OR51B5: variants seen among roughly 807,000 people sequenced by gnomAD.
OR51B5 encodes the protein olfactory receptor family 51 subfamily B member 5, also known as olfactory receptor 51B5.
For missense variants in OR51B5, 456 were observed against 374.6 expected, an observed-to-expected ratio of 1.22 and a Z score of -1.79; for synonymous variants, 186 against 144.8, an observed-to-expected ratio of 1.28 and a Z score of -2.04.
At chr11:5,410,226 A>G (rs1408694792) in intron 1 of OR51B5, among the ~76,000 whole-genome samples, 1 of 152,044 alleles carries the variant, frequency 6.6e-6, no homozygotes, top group Non-Finnish European at 1.5e-5. Context: ...GAAAGCAAAC[A>G]CTGACTGAAA....
intron 1 of OR51B5, chr11:5,422,538 A>C (rs1850359955): frequency 1.2e-6 from 2 of 1,613,802 alleles, no homozygotes; most frequent in African/African-American, 1.3e-5. Context: ...TCCTTTATGG[A>C]GTCTTCTGTC....
chr11:5,447,648 A>G (rs531976373), intron 1 of OR51B5, among the ~76,000 whole-genome samples: 35 of 152,128 alleles, frequency 2.3e-4, no homozygotes, highest in Non-Finnish European at 3.5e-4. Context: ...TGCAAACTGC[A>G]TTCCTCCTTT....
At position 5,494,134 on chromosome 11, in the gene OR51B5, T is replaced by C. The variant is rs189491698; in HGVS notation, n.84+11435A>G. ...AAACCAATTCATCTGAAAATTCCCA[T>C]TGGGTCATCCCCAGTGGAATCAGAT... On this transcript the variant is annotated intron_variant and non_coding_transcript_variant, in intron 1 of 4. Coordinates refer to the OR51B5 transcript ENST00000415970. Among the ~76,000 whole-genome samples the C allele has an allele frequency of 7.0e-4, 106 of 152,316 alleles. 1 individual carries two copies. Among genetic ancestry groups the C allele is most frequent in the African/African-American group, 2.5e-3 (104 of 41,570 alleles).
At chr11:5,462,244 GCT>G (rs1202242712) in intron 1 of OR51B5, among the ~76,000 whole-genome samples, 7 of 152,180 alleles carry the variant, frequency 4.6e-5, no homozygotes, top group African/African-American at 1.7e-4. Context: ...TGAAATTCTT[GCT>G]CTCTCTGTTT....
intron 1 of OR51B5, chr11:5,468,825 T>C (rs1273718192): frequency 1.3e-5 from 6 of 448,480 alleles, no homozygotes; most frequent in East Asian, 1.4e-4. Context: ...AGGCCATACA[T>C]GCTGTTGATG....
intron 1 of OR51B5, among the ~76,000 whole-genome samples, chr11:5,485,870 C>T (rs1015289542): frequency 1.3e-5 from 2 of 152,082 alleles, no homozygotes; most frequent in Admixed American, 6.6e-5. Context: ...TAACCCTCAG[C>T]ATCTCAGAAT....
At chr11:5,404,558 A>T (rs114776306) in intron 1 of OR51B5, among the ~76,000 whole-genome samples, 2 of 152,012 alleles carry the variant, frequency 1.3e-5, no homozygotes, top group African/African-American at 4.8e-5. Flanking sequence ...ATGGACCAAG[A>T]AACAGGATGT....
At chr11:5,413,039 G>C (rs1365562949) in intron 1 of OR51B5, among the ~76,000 whole-genome samples, 1 of 47,396 alleles carries the variant, frequency 2.1e-5, no homozygotes, top group East Asian at 8.6e-4. Context: ...GCACCCCCCA[G>C]TAGGGCAGAC....
At chr11:5,373,493 A>G (rs1274508291) in intron 1 of OR51B5, among the ~76,000 whole-genome samples, 1 of 152,146 alleles carries the variant, frequency 6.6e-6, no homozygotes, top group Non-Finnish European at 1.5e-5. Context: ...CAGTGGGTGC[A>G]GCACACCATG....
intron 1 of OR51B5, among the ~76,000 whole-genome samples, chr11:5,438,008 C>G (rs1453891831): frequency 6.6e-6 from 1 of 151,392 alleles, no homozygotes; most frequent in Non-Finnish European, 1.5e-5. Flanking sequence ...AGAACACCTT[C>G]TACTTTTCAT....
chr11:5,479,893 A>G lies in OR51B5; in HGVS notation n.84+25676T>C, dbSNP rs1327431038. Among the ~76,000 whole-genome samples, 7 of 139,668 alleles carry G rather than the reference A, an allele frequency of 5.0e-5. No homozygotes were observed. In the South Asian group the frequency reaches 1.8e-3, roughly 36 times the overall value. 91.6% of individuals were successfully genotyped at this position (139,668 alleles called of 152,430 possible). Reference sequence around the variant, plus strand: ...CTGAGTGACCTACAAAGAGACTTAGACTCCCACACATTAATAATGGGAGAC... The same window carrying G: ...CTGAGTGACCTACAAAGAGACTTAGGCTCCCACACATTAATAATGGGAGAC... On this transcript the variant is annotated intron_variant and non_coding_transcript_variant, in intron 1 of 4. Coordinates refer to the OR51B5 transcript ENST00000415970.
At chr11:5,349,773 G>A (rs1211490918) in intron 1 of OR51B5, among the ~76,000 whole-genome samples, 16 of 151,932 alleles carry the variant, frequency 1.1e-4, no homozygotes, top group Admixed American at 1.1e-3. Context: ...CTCACTTTTT[G>A]AGGACAGAGT....
chr11:5,388,621 T>C (rs1002185076), intron 1 of OR51B5, among the ~76,000 whole-genome samples: 1 of 150,242 alleles, frequency 6.7e-6, no homozygotes, highest in African/African-American at 2.5e-5. Context: ...TTAGGATAGA[T>C]AAGAAAATAG....
intron 1 of OR51B5, chr11:5,389,621 C>T (rs1327433792): frequency 1.2e-6 from 2 of 1,613,772 alleles, no homozygotes; most frequent in Admixed American, 3.3e-5. Context: ...GTACTATCTA[C>T]TATCCTTGCT....
chr11:5,461,048 C>A (rs1851042030), intron 1 of OR51B5, among the ~76,000 whole-genome samples: 1 of 152,148 alleles, frequency 6.6e-6, no homozygotes, highest in Non-Finnish European at 1.5e-5. Flanking sequence ...GGGGAGATTG[C>A]CCTACGGCAT....
chr11:5,387,568 A>C (rs1181215329), intron 1 of OR51B5, among the ~76,000 whole-genome samples: 3 of 152,214 alleles, frequency 2.0e-5, no homozygotes, highest in South Asian at 4.1e-4. Context: ...CGTGACCTGC[A>C]AGATCATACA....
chr11:5,391,318 C>A (rs1466507988), intron 1 of OR51B5: 1 of 152,194 alleles, frequency 6.6e-6, no homozygotes, highest in Non-Finnish European at 1.5e-5. Flanking sequence ...TGGTAAAGCA[C>A]CAAATGCTCC....
intron 1 of OR51B5, among the ~76,000 whole-genome samples, chr11:5,367,009 C>T (rs1190768916): frequency 6.6e-6 from 1 of 152,092 alleles, no homozygotes; most frequent in Admixed American, 6.5e-5. Flanking sequence ...GCTTCCACCT[C>T]CCGCTGCAGT....
chr11:5,423,201 A>AG lies in OR51B5; in HGVS notation n.85-76292dup, dbSNP rs1397222422. 96 of 1,484,908 alleles carry AG rather than the reference A, an allele frequency of 6.5e-5. No individual in the cohort carries two copies. The East Asian group carries it at 2.1e-3, about 33-fold the overall frequency. 92.0% of individuals were successfully genotyped at this position (1,484,908 alleles called of 1,614,324 possible). A position where few individuals can be genotyped will look rare whatever the true frequency, so the allele number is the denominator to read the frequency against. The stretch of plus-strand genomic sequence containing the variant: ...CTGACAAGTATGAGTCATAGGCTTA[A>AG]GGGGGGAATATATTCAGAATTAGGA... On this transcript the variant is annotated intron_variant and non_coding_transcript_variant, in intron 1 of 4. Coordinates refer to the OR51B5 transcript ENST00000415970.
Sources: allele counts gnomAD v4.1 joint callset (sites outside exome capture counted in the v4.1 genomes callset), GRCh38; gene constraint gnomAD v4.1.1; transcripts MANE v1.5; gene names NCBI Gene and HGNC (gene_info 2026-07-23, HGNC 2026-07-21).